The following EYA2 variants were observed in gnomAD, a reference collection of about 807,000 sequenced individuals.
The protein encoded by EYA2 is EYA transcriptional coactivator and phosphatase 2, also known as protein phosphatase EYA2.
EYA2 carries 31 observed loss-of-function variants against 69.2 expected under a neutral mutation model. The ratio of observed to expected loss-of-function variants is 0.45; its 90% CI spans 0.34 to 0.60. The LOEUF (loss-of-function observed/expected upper bound fraction) is 0.60, where lower values mean the gene tolerates loss of function less well. Ranked by LOEUF, EYA2 falls within the 20% of genes least tolerant of loss-of-function variation. The pLI is 0.02. For synonymous variants in EYA2, 257 were observed against 279.4 expected, an observed-to-expected ratio of 0.92 and a Z score of 0.80; for missense variants, 622 against 701.2, an observed-to-expected ratio of 0.89 and a Z score of 1.28.
At chr20:47,071,431 T>G (rs570498766) in intron 5 of EYA2, among the ~76,000 whole-genome samples, 1 of 152,246 alleles carries the variant, frequency 6.6e-6, no homozygotes, top group Admixed American at 6.5e-5. Context: ...GAATTCCTAG[T>G]AAGAATGCAA....
intron 1 of EYA2, among the ~76,000 whole-genome samples, chr20:46,982,558 C>CT (rs1347791877): frequency 6.6e-6 from 1 of 152,114 alleles, no homozygotes; most frequent in Non-Finnish European, 1.5e-5. Context: ...CTCTCCTCTC[C>CT]TTCTGTGGCT....
At chr20:47,124,344 G>A (rs1196672273) in intron 9 of EYA2, among the ~76,000 whole-genome samples, 2 of 152,138 alleles carry the variant, frequency 1.3e-5, no homozygotes, top group African/African-American at 2.4e-5. Flanking sequence ...TTTCTAAGAT[G>A]GAGTCACTTA....
chr20:47,077,542 A>G (rs1252957425), intron 7 of EYA2, among the ~76,000 whole-genome samples: 1 of 152,180 alleles, frequency 6.6e-6, no homozygotes, highest in East Asian at 1.9e-4. Flanking sequence ...GATTGTTAGA[A>G]AAGGAACAAT....
rs41296225 is a variant in EYA2 at position 47,005,181 on chromosome 20, C to A, written c.298+97C>A. 2.5e-3 allele frequency: 3,375 copies of A among 1,372,808 alleles called. 23 individuals are homozygous for A. In the Middle Eastern group the frequency reaches 0.031, roughly 13 times the overall value. The allele number at this position is 1,372,808 out of a possible 1,614,324, so 85.0% of individuals were successfully genotyped here. On this transcript the variant is annotated intron_variant, in intron 4 of 15. Coordinates refer to ENST00000327619, the MANE Select transcript of EYA2 (RefSeq NM_005244.5). Reference sequence around the variant, plus strand: ...TCAGCTAAATGTGGATTAATAGACACAACCAAGCTGATTTTGGATTAGAGA... The same window carrying A: ...TCAGCTAAATGTGGATTAATAGACAAAACCAAGCTGATTTTGGATTAGAGA...
intron 9 of EYA2, among the ~76,000 whole-genome samples, chr20:47,100,997 T>A (rs1187063110): frequency 6.6e-6 from 1 of 152,238 alleles, no homozygotes; most frequent in Admixed American, 6.5e-5. Flanking sequence ...CCCCCATGTC[T>A]GCATTCCAGC....
At chr20:47,079,410 G>A (rs555712672) in intron 7 of EYA2, among the ~76,000 whole-genome samples, 1 of 152,258 alleles carries the variant, frequency 6.6e-6, no homozygotes, top group East Asian at 1.9e-4. Context: ...ACCTGCAGAG[G>A]CCACCTGCCT....
chr20:46,997,091 G>A (rs562591251), intron 2 of EYA2, among the ~76,000 whole-genome samples: 2 of 152,178 alleles, frequency 1.3e-5, no homozygotes, highest in Admixed American at 1.3e-4. Flanking sequence ...GGTAGAGGTT[G>A]TTCTGGGTGT....
chr20:47,021,906 A>G (rs565218785), intron 5 of EYA2, among the ~76,000 whole-genome samples: 1 of 152,224 alleles, frequency 6.6e-6, no homozygotes, highest in Admixed American at 6.5e-5. Flanking sequence ...TACCACCAGT[A>G]AACTGTGTGA....
At chr20:47,116,685 C>T (rs1359566723) in intron 9 of EYA2, among the ~76,000 whole-genome samples, 1 of 152,174 alleles carries the variant, frequency 6.6e-6, no homozygotes, top group Non-Finnish European at 1.5e-5. Context: ...ATTGACCCAC[C>T]CTTCCTTCCC....
chr20:47,031,677 TTTC>T (rs1370300440), intron 5 of EYA2, among the ~76,000 whole-genome samples: 1 of 152,210 alleles, frequency 6.6e-6, no homozygotes, highest in Non-Finnish European at 1.5e-5. Context: ...GTGTCACTTG[TTTC>T]TTATTTCATT....
intron 5 of EYA2, among the ~76,000 whole-genome samples, chr20:47,029,766 A>G (rs1984299538): frequency 6.6e-6 from 1 of 152,330 alleles, no homozygotes; most frequent in Admixed American, 6.5e-5. Context: ...TTTTTTCTAC[A>G]ACACATAATT....
At chr20:47,079,795 TA>T (rs34042014) in intron 7 of EYA2, among the ~76,000 whole-genome samples, 6,379 of 145,626 alleles carry the variant, frequency 0.044, 187 homozygotes, top group African/African-American at 0.092. Context: ...TGTGATAGGT[TA>T]AAAAAAAAAA....
chr20:46,991,536 G>A (rs773628466), intron 2 of EYA2, among the ~76,000 whole-genome samples: 2 of 152,172 alleles, frequency 1.3e-5, no homozygotes, highest in Non-Finnish European at 2.9e-5. Flanking sequence ...TCAAAACCAT[G>A]GTTGCACACA....
chr20:46,996,382 G>A (rs6094546), intron 2 of EYA2, among the ~76,000 whole-genome samples: 5,445 of 152,178 alleles, frequency 0.036, 327 homozygotes, highest in African/African-American at 0.12. Context: ...GTGTAGTTTT[G>A]TATTAGCCAG....
intron 1 of EYA2, among the ~76,000 whole-genome samples, chr20:46,900,688 A>G (rs901891828): frequency 2.6e-5 from 4 of 152,324 alleles, no homozygotes; most frequent in South Asian, 2.1e-4. Flanking sequence ...GTTACCAAAT[A>G]TCTCACCTTA....
At chr20:47,104,505 C>G (rs1468537984) in intron 9 of EYA2, among the ~76,000 whole-genome samples, 1 of 152,078 alleles carries the variant, frequency 6.6e-6, no homozygotes, top group Non-Finnish European at 1.5e-5. Flanking sequence ...ACCCTATTGC[C>G]TAACCTAGGT....
intron 1 of EYA2, among the ~76,000 whole-genome samples, chr20:46,971,195 G>A (rs758732707): frequency 3.3e-5 from 5 of 152,060 alleles, no homozygotes; most frequent in Non-Finnish European, 7.4e-5. Flanking sequence ...ATGTAGATTT[G>A]GCTCTGTGTA....
chr20:46,958,460 CATG>C (rs1278689835), intron 1 of EYA2, among the ~76,000 whole-genome samples: 1 of 149,900 alleles, frequency 6.7e-6, no homozygotes, highest in East Asian at 1.9e-4. Context: ...GAAAAAAAAA[CATG>C]AACATGTTAT....
chr20:47,000,710 C>T (rs1374749933), intron 2 of EYA2, among the ~76,000 whole-genome samples: 2 of 152,120 alleles, frequency 1.3e-5, no homozygotes, highest in Non-Finnish European at 2.9e-5. Context: ...CGCCTCCCAT[C>T]AATGATTGGA....
Sources: gnomAD v4.1 joint callset for allele counts (sites outside exome capture counted in the v4.1 genomes callset) on GRCh38, gnomAD v4.1.1 for gene constraint, MANE v1.5 for transcripts, NCBI Gene and HGNC (gene_info 2026-07-23, HGNC 2026-07-21) for gene names.